The following KANK1 variants were observed in gnomAD, a reference collection of about 807,000 sequenced individuals.
The protein encoded by KANK1 is KN motif and ankyrin repeat domains 1, also known as KN motif and ankyrin repeat domain-containing protein 1.
Under a neutral mutation model 106.2 loss-of-function variants are expected in KANK1, and 109 were observed. The observed-to-expected ratio is 1.03, with a 90% CI of 0.88 to 1.20. The LOEUF (loss-of-function observed/expected upper bound fraction) is 1.20. Among genes scored for constraint, KANK1 ranks in the 50% most tolerant of loss-of-function variants. The probability of loss-of-function intolerance (pLI) is 0.00; values close to 1 mark genes in which losing one functional copy is unlikely to be tolerated. For missense variants in KANK1, 2,399 were observed against 1,710.7 expected (o/e 1.40, Z -7.10); for synonymous variants, 873 against 652.2 (o/e 1.34, Z -5.16).
intron 3 of KANK1, among the ~76,000 whole-genome samples, chr9:487,432 G>A (rs2058311539): frequency 6.6e-6 from 1 of 152,204 alleles, no homozygotes. Flanking sequence ...AAGCTATGAT[G>A]TTTGGTAGGT....
intron 8 of KANK1, among the ~76,000 whole-genome samples, chr9:739,260 T>C (rs143149862): frequency 6.2e-4 from 94 of 152,346 alleles, no homozygotes; most frequent in African/African-American, 2.1e-3. Flanking sequence ...TTGTAATACA[T>C]ATTTTTATTT....
chr9:572,963 C>G (rs995108712), intron 1 of KANK1, among the ~76,000 whole-genome samples: 1 of 152,086 alleles, frequency 6.6e-6, no homozygotes, highest in Non-Finnish European at 1.5e-5. Flanking sequence ...AATGTATGTC[C>G]TAATACAATA....
At chr9:709,637 C>T (rs1225545306) in intron 2 of KANK1, among the ~76,000 whole-genome samples, 1 of 138,926 alleles carries the variant, frequency 7.2e-6, no homozygotes, top group Non-Finnish European at 1.5e-5. Context: ...TTAATTGAGA[C>T]GGAGTTTTTG....
At chr9:552,417 C>T (rs1238287305) in intron 1 of KANK1, among the ~76,000 whole-genome samples, 2 of 152,206 alleles carry the variant, frequency 1.3e-5, no homozygotes, top group Non-Finnish European at 1.5e-5. Flanking sequence ...ATCTCCTCAG[C>T]AGTTGTTAAA....
At chr9:571,673 T>G (rs1319472338) in intron 1 of KANK1, among the ~76,000 whole-genome samples, 1 of 152,212 alleles carries the variant, frequency 6.6e-6, no homozygotes, top group Non-Finnish European at 1.5e-5. Flanking sequence ...ATTTAGAGAC[T>G]TAACAGTTTG....
chr9:734,711 C>A, intron 6 of KANK1, 37 bp from the exon 7 acceptor site: 2 of 1,410,670 alleles, frequency 1.4e-6, no homozygotes, highest in Non-Finnish European at 2.0e-6. Context: ...TGATTTTCTT[C>A]TTGTGACCAA....
chr9:553,667 G>T (rs2061409170), intron 1 of KANK1, among the ~76,000 whole-genome samples: 1 of 152,178 alleles, frequency 6.6e-6, no homozygotes, highest in African/African-American at 2.4e-5. Flanking sequence ...TTGTTCCAGA[G>T]ATGAAGTATG....
intron 1 of KANK1, among the ~76,000 whole-genome samples, chr9:645,656 C>T (rs911521656): frequency 9.3e-5 from 14 of 150,220 alleles, no homozygotes; most frequent in African/African-American, 2.3e-4. Context: ...CCAAGGTGGG[C>T]GGATCACCTG....
In KANK1 at chr9:682,513, C is replaced by G. The variant is rs191268939; in HGVS notation, c.37+5504C>G. On this transcript the variant is annotated intron_variant, in intron 2 of 11. Transcript: ENST00000382297. Reference sequence around the variant, plus strand: ...CCAAGTCTTCATGGAAAATAGTTTTCAAATTATTATTTTCAATGACTGTAT... The same window carrying G: ...CCAAGTCTTCATGGAAAATAGTTTTGAAATTATTATTTTCAATGACTGTAT... Among the ~76,000 whole-genome samples the G allele has an allele frequency of 6.3e-4, 96 of 152,256 alleles. No individual in the cohort carries two copies. In the East Asian group the frequency reaches 0.017, roughly 27 times the overall value.
intron 1 of KANK1, among the ~76,000 whole-genome samples, chr9:652,233 A>G (rs895263477): frequency 1.3e-5 from 2 of 152,196 alleles, no homozygotes; most frequent in African/African-American, 4.8e-5. Context: ...GAGTGTTTGC[A>G]GTGTGGGCCA....
At chr9:598,363 G>A (rs949032861) in intron 1 of KANK1, among the ~76,000 whole-genome samples, 3 of 151,180 alleles carry the variant, frequency 2.0e-5, no homozygotes, top group African/African-American at 4.9e-5. Flanking sequence ...AGCTTCATAC[G>A]AATTTAAGGA....
Position 713,688 on chromosome 9 carries a change from C to T in KANK1, c.2698+224C>T, listed in dbSNP as rs75960901. ...ACTGGCCTCTGGCTGAGGACTAACG[C>T]TGGAAGAAAAGTAAACTGGTGTTGG... is the stretch of plus-strand genomic sequence containing the variant. On this transcript the variant is annotated intron_variant, in intron 3 of 11. Transcript: ENST00000382297. Among the ~76,000 whole-genome samples the T allele has an allele frequency of 7.9e-3, 1,199 of 152,234 alleles. 10 individuals are homozygous for T. The highest frequency in any genetic ancestry group is 0.027 in the African/African-American group (1,119 of 41,520).
chr9:709,576 C>G (rs1354913075), intron 2 of KANK1, among the ~76,000 whole-genome samples: 3 of 151,390 alleles, frequency 2.0e-5, no homozygotes, highest in Admixed American at 6.6e-5. Context: ...TGTAGATGAC[C>G]AATGAAATTA....
chr9:594,117 A>T (rs781713328), intron 1 of KANK1, among the ~76,000 whole-genome samples: 34 of 152,038 alleles, frequency 2.2e-4, no homozygotes, highest in Non-Finnish European at 3.8e-4. Flanking sequence ...GCAGAAGTGC[A>T]CTTGTTGGGG....
At chr9:690,173 G>A (rs988270153) in intron 2 of KANK1, among the ~76,000 whole-genome samples, 2 of 149,440 alleles carry the variant, frequency 1.3e-5, no homozygotes, top group African/African-American at 4.9e-5. Context: ...GGGTGTGTTG[G>A]CAGGCCCCTG....
In KANK1 at chr9:740,759, TC is replaced by T. The variant is rs546914687; in HGVS notation, c.3554-31del. ...GCGGCTGCTATTAGAAGGGGCTGCT[TC>T]CTAAGAGACTTTTTTTTTTTTTTTT... On this transcript the variant is annotated intron_variant, in intron 8 of 11. Transcript: ENST00000382297. 2.3e-4 allele frequency: 369 copies of T among 1,590,506 alleles called. 4 individuals carry two copies. In the South Asian group the frequency reaches 4.0e-3, roughly 17 times the overall value.
intron 1 of KANK1, among the ~76,000 whole-genome samples, chr9:663,870 C>T (rs1843945421): frequency 6.6e-6 from 1 of 152,118 alleles, no homozygotes; most frequent in South Asian, 2.1e-4. Flanking sequence ...AATGGATGAG[C>T]AGTGAAGGTT....
intron 9 of KANK1, among the ~76,000 whole-genome samples, chr9:741,765 G>C (rs1287310218): frequency 6.6e-6 from 1 of 152,012 alleles, no homozygotes; most frequent in Non-Finnish European, 1.5e-5. Flanking sequence ...GGGATTACAG[G>C]CGTGAGCTAC....
chr9:502,513 T>A (rs1357496833), upstream of KANK1, among the ~76,000 whole-genome samples: 1 of 150,016 alleles, frequency 6.7e-6, no homozygotes, highest in Non-Finnish European at 1.5e-5. Flanking sequence ...CTGGGAATTC[T>A]GGGGATGGAG....
Sources: gnomAD v4.1 joint callset for allele counts (sites outside exome capture counted in the v4.1 genomes callset) on GRCh38, gnomAD v4.1.1 for gene constraint, MANE v1.5 for transcripts, NCBI Gene and HGNC (gene_info 2026-07-23, HGNC 2026-07-21) for gene names.